The following OPRM1 variants were observed in gnomAD, a reference collection of about 807,000 sequenced individuals.
The protein encoded by OPRM1 is opioid receptor mu 1.
OPRM1 carries 27 observed loss-of-function variants against 31.8 expected under a neutral mutation model. The ratio of observed to expected loss-of-function variants is 0.85; its 90% confidence interval spans 0.63 to 1.17. The LOEUF is 1.17. Among genes scored for constraint, OPRM1 ranks in the 50% most tolerant of loss-of-function variants. The pLI is 0.00. For synonymous variants in OPRM1, 196 were observed against 189.9 expected (o/e 1.03, Z -0.26); for missense variants, 536 against 511.1 (o/e 1.05, Z -0.47).
chr6:154,188,207 A>G (rs12210881), intron 3 of OPRM1, among the ~76,000 whole-genome samples: 12,618 of 152,338 alleles, frequency 0.083, 991 homozygotes, highest in East Asian at 0.42. Context: ...CATGTAAACC[A>G]GCAATAGTTA....
chr6:154,050,658 CA>C (rs1413547648), intron 1 of OPRM1, among the ~76,000 whole-genome samples: 1 of 151,750 alleles, frequency 6.6e-6, no homozygotes, highest in Non-Finnish European at 1.5e-5. Flanking sequence ...CTAACAGGTA[CA>C]AAAATATTAG....
In OPRM1 at chr6:154,064,492, A is replaced by G. The variant is rs535115851; in HGVS notation, c.290+24658A>G. ...TGATTAACAAAAGTTTTCAGTTTTT[A>G]TGACATGCAATGTGTCCATGTTTGC... is the stretch of plus-strand genomic sequence containing the variant. On this transcript the variant is annotated intron_variant, in intron 1 of 3. Transcript: ENST00000330432. 1.8e-3 allele frequency among the ~76,000 whole-genome samples: 270 copies of G among 152,284 alleles called. 1 individual carries two copies. The highest frequency in any genetic ancestry group is 2.8e-3 in the Non-Finnish European group (193 of 68,004).
At chr6:154,183,989 TC>T (rs987208018) in intron 3 of OPRM1, among the ~76,000 whole-genome samples, 7 of 152,128 alleles carry the variant, frequency 4.6e-5, no homozygotes, top group Admixed American at 4.6e-4. Context: ...TAAGCAAATT[TC>T]AAGTACACAA....
intron 1 of OPRM1, among the ~76,000 whole-genome samples, chr6:154,025,639 A>G (rs1289353791): frequency 6.6e-6 from 1 of 151,888 alleles, no homozygotes; most frequent in Non-Finnish European, 1.5e-5. Context: ...CAGTGAAGGT[A>G]ATTTACTCTG....
upstream of OPRM1, among the ~76,000 whole-genome samples, chr6:154,035,134 C>A (rs1047317685): frequency 9.9e-5 from 15 of 151,962 alleles, no homozygotes; most frequent in African/African-American, 3.6e-4. Flanking sequence ...AAAAGGAAAC[C>A]AAATATCAGG....
chr6:154,219,929 T>C (rs1778717421), intron 3 of OPRM1, among the ~76,000 whole-genome samples: 1 of 150,876 alleles, frequency 6.6e-6, no homozygotes, highest in Admixed American at 6.6e-5. Context: ...GAGGTGAGGA[T>C]AGGGGACAGA....
chr6:154,088,149 TG>T (rs1791101351), intron 1 of OPRM1, among the ~76,000 whole-genome samples: 1 of 151,864 alleles, frequency 6.6e-6, no homozygotes. Flanking sequence ...AATTAATTCT[TG>T]TTATATGCAA....
At chr6:154,105,109 G>A (rs538120558) in intron 3 of OPRM1, among the ~76,000 whole-genome samples, 6 of 152,286 alleles carry the variant, frequency 3.9e-5, no homozygotes, top group African/African-American at 1.4e-4. Context: ...TTCTCCAATT[G>A]TGTTGTATTA....
chr6:154,133,688 C>G (rs543209562), downstream of OPRM1, among the ~76,000 whole-genome samples: 1 of 152,324 alleles, frequency 6.6e-6, no homozygotes, highest in African/African-American at 2.4e-5. Context: ...TGCCAGAATT[C>G]AGGCAGTCCA....
chr6:154,023,649 GT>G (rs1402429526), intron 1 of OPRM1, among the ~76,000 whole-genome samples: 3 of 152,078 alleles, frequency 2.0e-5, no homozygotes, highest in Non-Finnish European at 4.4e-5. Flanking sequence ...AAGGCTTTCA[GT>G]TTTTCCCCAT....
chr6:154,145,093 C>T (rs772469101), intron 3 of OPRM1, among the ~76,000 whole-genome samples: 4 of 152,092 alleles, frequency 2.6e-5, no homozygotes, highest in Admixed American at 1.3e-4. Flanking sequence ...GCAAGGATGT[C>T]CACCCTCACT....
downstream of OPRM1, among the ~76,000 whole-genome samples, chr6:154,134,848 C>T (rs1798015711): frequency 6.6e-6 from 1 of 151,998 alleles, no homozygotes; most frequent in South Asian, 2.1e-4. Context: ...AAGAAAACCA[C>T]TATTTGAGAA....
In OPRM1 at chr6:154,122,957, G is replaced by A. The variant is rs1797382242; in HGVS notation, c.*4236G>A. On this transcript the variant is annotated 3_prime_UTR_variant, in exon 4 of 4. Transcript: ENST00000330432. The stretch of plus-strand genomic sequence containing the variant: ...TCTCATTGTCTAAGGTGTTATCCGA[G>A]CTCGTTGTCTCACAACCAAGAAAAT... Among the ~76,000 whole-genome samples the A allele has an allele frequency of 6.6e-6, 1 of 152,150 alleles. No individual in the cohort carries two copies. Among genetic ancestry groups the A allele is most frequent in the Non-Finnish European group, 1.5e-5 (1 of 68,030 alleles).
chr6:154,048,976 G>GCTTT (rs1781685634), intron 1 of OPRM1, among the ~76,000 whole-genome samples: 1 of 152,184 alleles, frequency 6.6e-6, no homozygotes, highest in South Asian at 2.1e-4. Flanking sequence ...GAGTACTGAA[G>GCTTT]CTTTGCTTCT....
Position 154,128,259 on chromosome 6 carries a change from AC to A in OPRM1, c.*9541del, listed in dbSNP as rs1424533879. On this transcript the variant is annotated 3_prime_UTR_variant, in exon 4 of 4. Coordinates refer to ENST00000330432, the MANE Select transcript of OPRM1 (RefSeq NM_000914.5). Reference sequence around the variant, plus strand: ...TTTGTGTGTTTTCTTAATAAACTTTACCCACTTATTAAAAGAATAAAATGAA... The same window carrying A: ...TTTGTGTGTTTTCTTAATAAACTTTACCACTTATTAAAAGAATAAAATGAA... 6.6e-6 allele frequency among the ~76,000 whole-genome samples: 1 copy of A among 152,144 alleles called. No homozygotes were observed. The highest frequency in any genetic ancestry group is 1.5e-5 in the Non-Finnish European group (1 of 68,016).
At chr6:154,066,839 G>T (rs188430793) in intron 1 of OPRM1, among the ~76,000 whole-genome samples, 1 of 152,070 alleles carries the variant, frequency 6.6e-6, no homozygotes, top group Non-Finnish European at 1.5e-5. Flanking sequence ...AAACATTTTT[G>T]TTGTTAAAAC....
downstream of OPRM1, among the ~76,000 whole-genome samples, chr6:154,133,659 G>A (rs1305920741): frequency 6.6e-6 from 1 of 152,150 alleles, no homozygotes; most frequent in African/African-American, 2.4e-5. Flanking sequence ...TTTTTCTCAA[G>A]TTCATTGTCA....
intron 3 of OPRM1, chr6:154,159,972 G>T: frequency 1.2e-6 from 2 of 1,613,092 alleles, no homozygotes; most frequent in Non-Finnish European, 8.5e-7. Context: ...TCCACTCTCT[G>T]TATTTCCTGG....
intron 1 of OPRM1, chr6:154,073,597 A>G (rs1787246084): frequency 6.6e-6 from 1 of 152,256 alleles, no homozygotes; most frequent in South Asian, 2.1e-4. Context: ...TAATCATCAC[A>G]CTGTTGAAGA....
Sources: allele counts gnomAD v4.1 joint callset (sites outside exome capture counted in the v4.1 genomes callset), GRCh38; gene constraint gnomAD v4.1.1; transcripts MANE v1.5; gene names NCBI Gene and HGNC (gene_info 2026-07-23, HGNC 2026-07-21).